ESRRG: variants seen among roughly 807,000 people sequenced by gnomAD.
ESRRG encodes estrogen-related receptor gamma.
ESRRG carries 13 observed loss-of-function variants against 44.0 expected under a neutral mutation model. That is an observed-to-expected ratio of 0.30 (90% confidence interval 0.19 to 0.47). The LOEUF is 0.47. Ranked by LOEUF, ESRRG falls within the 20% of genes least tolerant of loss-of-function variation. The probability of loss-of-function intolerance (pLI) is 1.00; values close to 1 mark genes in which losing one functional copy is unlikely to be tolerated. For synonymous variants in ESRRG, 215 were observed against 214.6 expected (o/e 1.00, Z -0.02); for missense variants, 395 against 580.6 (o/e 0.68, Z 3.29).
intron 2 of ESRRG, among the ~76,000 whole-genome samples, chr1:216,908,849 G>C (rs1179562458): frequency 6.7e-6 from 1 of 149,180 alleles, no homozygotes; most frequent in Non-Finnish European, 1.5e-5. Flanking sequence ...AAAAAACATA[G>C]AGCATCCTCT....
In ESRRG at chr1:216,774,798, C is replaced by CTTTTTTTTTTTTTTTT. The variant is rs58598227; in HGVS notation, c.-13-97308_-13-97307insAAAAAAAAAAAAAAAA. Among the ~76,000 whole-genome samples the CTTTTTTTTTTTTTTTT allele has an allele frequency of 7.8e-4, 86 of 110,742 alleles. 4 individuals carry two copies. Among genetic ancestry groups the CTTTTTTTTTTTTTTTT allele is most frequent in the Non-Finnish European group, 8.6e-4 (50 of 58,144 alleles). The allele number at this position is 110,742 out of a possible 152,430, so 72.7% of individuals were successfully genotyped here. A position where few individuals can be genotyped will look rare whatever the true frequency, so the allele number is the denominator to read the frequency against. On this transcript the variant is annotated intron_variant, in intron 2 of 7. Coordinates refer to the ESRRG transcript ENST00000359162. ...ACAGTAAGACAGTGAATAATTTCTT[C>CTTTTTTTTTTTTTTTT]TTTTTTTTTTTTTAAGACAGAATCT...
chr1:216,586,035 G>A (rs762250035), intron 3 of ESRRG, among the ~76,000 whole-genome samples: 34 of 144,216 alleles, frequency 2.4e-4, no homozygotes, highest in South Asian at 9.0e-4. Context: ...GGGATACTCC[G>A]TCTCAAAATA....
intron 3 of ESRRG, among the ~76,000 whole-genome samples, chr1:216,576,549 A>C (rs1338727330): frequency 6.6e-6 from 1 of 152,094 alleles, no homozygotes; most frequent in Non-Finnish European, 1.5e-5. Context: ...AGTTGCATCC[A>C]AAATACAGTT....
At chr1:216,724,090 C>T (rs2086977592), upstream of ESRRG, among the ~76,000 whole-genome samples, 1 of 152,166 alleles carries the variant, frequency 6.6e-6, no homozygotes, top group African/African-American at 2.4e-5. Flanking sequence ...GGATCGTCAT[C>T]TCTGAGGTGG....
intron 2 of ESRRG, among the ~76,000 whole-genome samples, chr1:216,830,118 A>G (rs2095463980): frequency 6.6e-6 from 1 of 152,176 alleles, no homozygotes; most frequent in Non-Finnish European, 1.5e-5. Flanking sequence ...CATTCATTGC[A>G]AGGTGCCATT....
At chr1:217,041,065 C>T (rs182807954) in intron 1 of ESRRG, among the ~76,000 whole-genome samples, 2 of 152,256 alleles carry the variant, frequency 1.3e-5, no homozygotes, top group East Asian at 3.9e-4. Flanking sequence ...AGTTCAGTTC[C>T]TTTCCTGCTC....
chr1:216,584,473 G>T (rs2063391676), intron 3 of ESRRG, among the ~76,000 whole-genome samples: 1 of 152,074 alleles, frequency 6.6e-6, no homozygotes, highest in Non-Finnish European at 1.5e-5. Context: ...GGCCAGGATG[G>T]TCTCGATCTC....
chr1:217,001,577 A>G (rs2077038144), intron 1 of ESRRG, among the ~76,000 whole-genome samples: 1 of 152,258 alleles, frequency 6.6e-6, no homozygotes, highest in Non-Finnish European at 1.5e-5. Context: ...GGCGTTGATC[A>G]TGAAATATAT....
At chr1:216,921,489 T>C (rs2149716700) in intron 2 of ESRRG, among the ~76,000 whole-genome samples, 1 of 152,276 alleles carries the variant, frequency 6.6e-6, no homozygotes, top group African/African-American at 2.4e-5. Flanking sequence ...GAACTTGACC[T>C]CTTATTAACT....
chr1:216,978,010 T>C (rs1479117555), intron 1 of ESRRG, among the ~76,000 whole-genome samples: 2 of 152,176 alleles, frequency 1.3e-5, no homozygotes, highest in Admixed American at 1.3e-4. Flanking sequence ...AACCATGCTC[T>C]TGGATTTCCC....
chr1:216,685,904 C>T (rs1478308177), intron 1 of ESRRG, among the ~76,000 whole-genome samples: 4 of 152,172 alleles, frequency 2.6e-5, no homozygotes, highest in Non-Finnish European at 5.9e-5. Flanking sequence ...CTAAAAGGTA[C>T]TCTGCAACTG....
chr1:216,746,737 C>T (rs1198124242), intron 2 of ESRRG, among the ~76,000 whole-genome samples: 1 of 152,116 alleles, frequency 6.6e-6, no homozygotes, highest in African/African-American at 2.4e-5. Flanking sequence ...TCTTCATCTC[C>T]TAACTTAAAG....
intron 3 of ESRRG, among the ~76,000 whole-genome samples, chr1:216,593,649 G>C (rs1388528618): frequency 6.6e-6 from 1 of 152,200 alleles, no homozygotes; most frequent in African/African-American, 2.4e-5. Flanking sequence ...ATCTGGTAAG[G>C]CTGGCAAATG....
intron 1 of ESRRG, among the ~76,000 whole-genome samples, chr1:216,984,096 C>T (rs1311719297): frequency 6.6e-6 from 1 of 151,932 alleles, no homozygotes; most frequent in Non-Finnish European, 1.5e-5. Context: ...CCAAAGAACA[C>T]GACTACATTT....
intron 2 of ESRRG, among the ~76,000 whole-genome samples, chr1:216,790,798 G>A (rs2094295649): frequency 6.6e-6 from 1 of 152,110 alleles, no homozygotes; most frequent in South Asian, 2.1e-4. Flanking sequence ...CTTTATCCAT[G>A]TTTGGTAGAG....
chr1:216,571,478 A>G (rs192895129), intron 3 of ESRRG, among the ~76,000 whole-genome samples: 11 of 152,252 alleles, frequency 7.2e-5, no homozygotes, highest in Non-Finnish European at 1.3e-4. Context: ...TAAAACAAAC[A>G]AACAAAAAGT....
chr1:216,624,537 T>C (rs977100562), intron 3 of ESRRG, among the ~76,000 whole-genome samples: 11 of 152,168 alleles, frequency 7.2e-5, no homozygotes, highest in Admixed American at 6.5e-4. Flanking sequence ...TCTTTTGAAA[T>C]GAATATTCAG....
chr1:216,654,860 G>T (rs1345011833), intron 2 of ESRRG, among the ~76,000 whole-genome samples: 3 of 152,106 alleles, frequency 2.0e-5, no homozygotes, highest in Non-Finnish European at 2.9e-5. Context: ...AAATAATACA[G>T]ATAGATGGTG....
intron 4 of ESRRG, among the ~76,000 whole-genome samples, chr1:216,566,299 A>G (rs1427076853): frequency 1.3e-5 from 2 of 152,210 alleles, no homozygotes; most frequent in Non-Finnish European, 2.9e-5. Context: ...TAAGTTTTAT[A>G]AATGTTTGTT....
Sources: gnomAD v4.1 joint callset for allele counts (sites outside exome capture counted in the v4.1 genomes callset) on GRCh38, gnomAD v4.1.1 for gene constraint, MANE v1.5 for transcripts, NCBI Gene and HGNC (gene_info 2026-07-23, HGNC 2026-07-21) for gene names.